The following TTC6 variants were observed in gnomAD, a reference collection of about 807,000 sequenced individuals.
TTC6 encodes the protein tetratricopeptide repeat protein 6.
Under a neutral mutation model 210.4 loss-of-function variants are expected in TTC6, and 172 were observed. The observed-to-expected ratio is 0.82, with a 90% CI of 0.72 to 0.93. The LOEUF is 0.93. Among genes scored for constraint, TTC6 ranks in the 40% least tolerant of loss-of-function variants. The probability of loss-of-function intolerance (pLI) is 0.00; values close to 1 mark genes in which losing one functional copy is unlikely to be tolerated. For synonymous variants in TTC6, 804 were observed against 819.6 expected (o/e 0.98, Z 0.32); for missense variants, 2,414 against 2,318.1 (o/e 1.04, Z -0.85).
At chr14:37,733,442 T>C (rs909679211) in intron 7 of TTC6, among the ~76,000 whole-genome samples, 1 of 152,182 alleles carries the variant, frequency 6.6e-6, no homozygotes, top group African/African-American at 2.4e-5. Flanking sequence ...CCCTGGTTTT[T>C]CTTAGTTTCA....
At chr14:37,665,310 A>G (rs748024814) in intron 1 of TTC6, among the ~76,000 whole-genome samples, 4 of 150,776 alleles carry the variant, frequency 2.7e-5, no homozygotes, top group Non-Finnish European at 6.0e-5. Context: ...ATGGAATACT[A>G]TGCAGCCATA....
chr14:37,785,685 G>A (rs2096065878), intron 14 of TTC6, among the ~76,000 whole-genome samples: 1 of 152,188 alleles, frequency 6.6e-6, no homozygotes, highest in African/African-American at 2.4e-5. Context: ...GCGTTCCTTT[G>A]GAGGAGAAGA....
intron 10 of TTC6, among the ~76,000 whole-genome samples, chr14:37,741,322 C>T (rs1198521635): frequency 7.8e-6 from 1 of 127,788 alleles, no homozygotes; most frequent in African/African-American, 3.4e-5. Flanking sequence ...GAGACAGAGT[C>T]TCGCTGTTGC....
chr14:37,739,805 C>T (rs897699480), intron 10 of TTC6, among the ~76,000 whole-genome samples: 1 of 152,040 alleles, frequency 6.6e-6, no homozygotes, highest in Admixed American at 6.6e-5. Context: ...CACACAAATT[C>T]TACTCATTCA....
intron 1 of TTC6, among the ~76,000 whole-genome samples, chr14:37,663,477 GCA>G (rs1195534004): frequency 2.0e-5 from 3 of 152,014 alleles, no homozygotes; most frequent in Non-Finnish European, 4.4e-5. Context: ...TCATTGTATT[GCA>G]CAGTTACATT....
chr14:37,830,714 G>T, intron 29 of TTC6, among the ~76,000 whole-genome samples: 1 of 149,898 alleles, frequency 6.7e-6, no homozygotes, highest in African/African-American at 2.4e-5. Context: ...TTTTCTTGAT[G>T]GCAATTGCTT....
At chr14:37,781,880 G>T (rs573777809) in intron 14 of TTC6, among the ~76,000 whole-genome samples, 1 of 152,262 alleles carries the variant, frequency 6.6e-6, no homozygotes, top group South Asian at 2.1e-4. Flanking sequence ...TTATTAAGTG[G>T]GGAATCCTTT....
rs562560850 is a variant in TTC6 at position 37,667,490 on chromosome 14, T to C, written c.940-12661T>C. On this transcript the variant is annotated intron_variant, in intron 1 of 30. Coordinates refer to ENST00000553443, the Ensembl canonical transcript of TTC6. ...TCATTCATTGGGATGTTTTCCCAAG[T>C]AACTCTCCATTACTCATGCAAATGA... 2.0e-5 allele frequency among the ~76,000 whole-genome samples: 3 copies of C among 150,696 alleles called. No homozygotes were observed. In the East Asian group the frequency reaches 5.8e-4, roughly 29 times the overall value.
intron 1 of TTC6, among the ~76,000 whole-genome samples, chr14:37,648,437 G>A (rs1344414231): frequency 1.3e-5 from 2 of 152,096 alleles, no homozygotes; most frequent in Non-Finnish European, 2.9e-5. Flanking sequence ...CTAGGTTACA[G>A]TATGTTTCTA....
Position 37,622,147 on chromosome 14 carries a change from AAACT to A in TTC6, c.86_89del (p.Thr29LysfsTer17). The A allele has an allele frequency of 6.5e-7, 1 of 1,535,592 alleles. No individual in the cohort carries two copies. The highest frequency in any genetic ancestry group is 1.2e-5 in the South Asian group (1 of 84,038). ...AAAGAGCTTGAGAAAGTTCGGCAGG[AAACT>A]AAAAAGGATTTTCTCCGATTCAAGC... On this transcript the variant is annotated frameshift_variant, in exon 1 of 31. Coordinates refer to ENST00000553443, the Ensembl canonical transcript of TTC6. LOFTEE classifies it high-confidence loss of function.
At chr14:37,610,365 C>T (rs903184394) in intron 2 of TTC6, among the ~76,000 whole-genome samples, 3 of 152,194 alleles carry the variant, frequency 2.0e-5, no homozygotes, top group African/African-American at 4.8e-5. Context: ...CAACAAACTC[C>T]AGTACATTTT....
intron 3 of TTC6, among the ~76,000 whole-genome samples, chr14:37,686,625 G>A (rs539072448): frequency 1.1e-4 from 16 of 152,290 alleles, no homozygotes; most frequent in Non-Finnish European, 1.5e-4. Flanking sequence ...CACATGGCTG[G>A]GGAGACCTCA....
intron 21 of TTC6, among the ~76,000 whole-genome samples, chr14:37,805,225 A>G (rs1185936165): frequency 1.3e-5 from 2 of 152,366 alleles, no homozygotes; most frequent in Non-Finnish European, 2.9e-5. Flanking sequence ...AACAATTCAA[A>G]TCAGATTGAA....
chr14:37,661,215 CT>C (rs2095736691), intron 1 of TTC6, among the ~76,000 whole-genome samples: 1 of 151,974 alleles, frequency 6.6e-6, no homozygotes, highest in African/African-American at 2.4e-5. Flanking sequence ...TCAATTTTTG[CT>C]TTTGTTGCAA....
chr14:37,602,907 G>A (rs1049638945), intron 1 of TTC6, among the ~76,000 whole-genome samples: 5 of 152,058 alleles, frequency 3.3e-5, no homozygotes, highest in African/African-American at 7.2e-5. Context: ...GCCTCCTCCC[G>A]CCAAAATACC....
At chr14:37,616,904 A>G (rs1242894964) in intron 2 of TTC6, among the ~76,000 whole-genome samples, 1 of 152,126 alleles carries the variant, frequency 6.6e-6, no homozygotes, top group Non-Finnish European at 1.5e-5. Flanking sequence ...TATTTAAGAC[A>G]GAGTCTTTGT....
intron 29 of TTC6, among the ~76,000 whole-genome samples, chr14:37,841,053 G>A (rs892940314): frequency 6.6e-6 from 1 of 152,112 alleles, no homozygotes; most frequent in East Asian, 1.9e-4. Flanking sequence ...ATTTTTAGTA[G>A]AGATGGGGTT....
At chr14:37,785,667 G>A (rs1041839680) in intron 14 of TTC6, among the ~76,000 whole-genome samples, 16 of 152,178 alleles carry the variant, frequency 1.1e-4, no homozygotes, top group Admixed American at 9.8e-4. Context: ...CGTTGCTGGC[G>A]AGGAGCTGCG....
At chr14:37,631,970 AT>A (rs1364481525) in intron 1 of TTC6, among the ~76,000 whole-genome samples, 1 of 152,016 alleles carries the variant, frequency 6.6e-6, no homozygotes, top group Non-Finnish European at 1.5e-5. Context: ...TCATCAGGTC[AT>A]TTATGTTCTT....
Sources: allele counts gnomAD v4.1 joint callset (sites outside exome capture counted in the v4.1 genomes callset), GRCh38; gene constraint gnomAD v4.1.1; transcripts MANE v1.5; gene names NCBI Gene and HGNC (gene_info 2026-07-23, HGNC 2026-07-21).